The following BRAF variants were observed in gnomAD, a reference collection of about 807,000 sequenced individuals.
BRAF encodes B-Raf proto-oncogene, serine/threonine kinase.
In BRAF, 16 loss-of-function variants were observed where a neutral mutation model predicts 104.6. The observed-to-expected ratio is 0.15, with a 90% CI of 0.10 to 0.23. The LOEUF is 0.23. Ranked by LOEUF, BRAF falls within the 10% of genes least tolerant of loss-of-function variation. The pLI, the probability that BRAF is intolerant of heterozygous loss-of-function variation, is 1.00. For synonymous variants in BRAF, 310 were observed against 341.6 expected (o/e 0.91, Z 1.02); for missense variants, 541 against 937.3 (o/e 0.58, Z 5.52).
At position 140,725,130 on chromosome 7, in the gene BRAF, G is replaced by C; in HGVS notation, c.*1364C>G. ...AAGACCAGGCTTGGGAAAAAAGGAAGAAGGAGAATGAATGGAGACGCCACC... is the reference window on the plus strand; with the variant it reads ...AAGACCAGGCTTGGGAAAAAAGGAACAAGGAGAATGAATGGAGACGCCACC... On this transcript the variant is annotated 3_prime_UTR_variant, in exon 20 of 20. Transcript: ENST00000644969. 9.6e-7 allele frequency: 1 copy of C among 1,041,746 alleles called. No individual in the cohort carries two copies. Among genetic ancestry groups the C allele is most frequent in the Non-Finnish European group, 1.2e-6 (1 of 864,390 alleles). The allele number at this position is 1,041,746 out of a possible 1,614,324, so 64.5% of individuals were successfully genotyped here.
intron 16 of BRAF, among the ~76,000 whole-genome samples, chr7:140,751,905 A>T (rs2128996913): frequency 6.6e-6 from 1 of 152,330 alleles, no homozygotes; most frequent in Non-Finnish European, 1.5e-5. Flanking sequence ...TTTAAAGCTT[A>T]GAATTGCACT....
Position 140,724,951 on chromosome 7 carries a change from G to A in BRAF, c.*1543C>T, listed in dbSNP as rs1041319303. ...TATAACTAGGTTATATTTTCCATTT[G>A]TGCAAAGATAAGATTTAGGTTCTTA... On this transcript the variant is annotated 3_prime_UTR_variant, in exon 20 of 20. Transcript: ENST00000644969. The A allele has an allele frequency of 4.8e-6, 5 of 1,042,070 alleles. No individual in the cohort carries two copies. Among genetic ancestry groups the A allele is most frequent in the Non-Finnish European group, 5.8e-6 (5 of 864,734 alleles). 64.6% of individuals were successfully genotyped at this position (1,042,070 alleles called of 1,614,324 possible).
chr7:140,729,055 G>A (rs1312207779), intron 19 of BRAF, among the ~76,000 whole-genome samples: 2 of 133,980 alleles, frequency 1.5e-5, no homozygotes, highest in Non-Finnish European at 3.1e-5. Context: ...GTGAGACGCT[G>A]TCTCTCCAAA....
intron 14 of BRAF, among the ~76,000 whole-genome samples, chr7:140,755,504 T>C (rs568542471): frequency 1.3e-5 from 2 of 152,326 alleles, no homozygotes; most frequent in South Asian, 2.1e-4. Flanking sequence ...ATTTTCTAGA[T>C]AAAATTTTCA....
intron 13 of BRAF, 96 bp from the exon 13 acceptor site, chr7:140,777,184 C>A: frequency 1.1e-5 from 14 of 1,254,830 alleles, no homozygotes; most frequent in African/African-American, 3.1e-5. Flanking sequence ...AAAATGTTGT[C>A]AGAAAAAGCT....
intron 1 of BRAF, among the ~76,000 whole-genome samples, chr7:140,863,800 G>A (rs760964725): frequency 6.6e-6 from 1 of 152,184 alleles, no homozygotes; most frequent in Non-Finnish European, 1.5e-5. Flanking sequence ...TGCCATGACT[G>A]TAAGTTTCCT....
chr7:140,899,983 T>C (rs1030250436), intron 1 of BRAF, among the ~76,000 whole-genome samples: 1 of 152,246 alleles, frequency 6.6e-6, no homozygotes, highest in African/African-American at 2.4e-5. Flanking sequence ...TGAGGCCTGC[T>C]ACATCCACAT....
intron 1 of BRAF, among the ~76,000 whole-genome samples, chr7:140,855,181 T>G (rs2129078041): frequency 6.6e-6 from 1 of 152,092 alleles, no homozygotes; most frequent in African/African-American, 2.4e-5. Flanking sequence ...AAAATAGAGA[T>G]ATATTAAAAA....
intron 14 of BRAF, among the ~76,000 whole-genome samples, chr7:140,764,299 A>G (rs1172611524): frequency 3.3e-5 from 5 of 151,514 alleles, no homozygotes; most frequent in African/African-American, 1.2e-4. Flanking sequence ...GACGTATCTC[A>G]AAATATTAAG....
chr7:140,772,961 C>G (rs1799992821), intron 14 of BRAF, among the ~76,000 whole-genome samples: 1 of 152,108 alleles, frequency 6.6e-6, no homozygotes, highest in African/African-American at 2.4e-5. Flanking sequence ...TTGCAAAGGA[C>G]ATAATTTCCA....
chr7:140,752,943 A>G (rs1797903945), intron 16 of BRAF, among the ~76,000 whole-genome samples: 1 of 152,174 alleles, frequency 6.6e-6, no homozygotes. Flanking sequence ...AACACTGTTT[A>G]TAAGACATAT....
intron 3 of BRAF, among the ~76,000 whole-genome samples, chr7:140,812,301 C>T (rs770478956): frequency 2.6e-5 from 4 of 151,934 alleles, no homozygotes; most frequent in Non-Finnish European, 5.9e-5. Context: ...GAAGCCCACG[C>T]TGAGTTCACT....
Position 140,857,764 on chromosome 7 carries a change from G to A in BRAF, c.139-7552C>T, listed in dbSNP as rs184517194. On this transcript the variant is annotated intron_variant, in intron 1 of 19. Coordinates refer to ENST00000644969, the MANE Select transcript of BRAF (RefSeq NM_001374258.1). ...GATATCAGAACAACATCAGAGGCCA[G>A]CTTGAAGGGACTCCTACTGACCAAA... Among the ~76,000 whole-genome samples the A allele has an allele frequency of 8.1e-4, 123 of 152,192 alleles. 1 individual carries two copies. Among genetic ancestry groups the A allele is most frequent in the Middle Eastern group, 3.4e-3 (1 of 294 alleles).
chr7:140,828,054 C>T (rs1372738212), intron 3 of BRAF, among the ~76,000 whole-genome samples: 1 of 152,036 alleles, frequency 6.6e-6, no homozygotes, highest in Non-Finnish European at 1.5e-5. Context: ...CGGCACCACA[C>T]CCGGCCAATT....
At chr7:140,793,474 T>C (rs1802183112) in intron 8 of BRAF, among the ~76,000 whole-genome samples, 1 of 151,992 alleles carries the variant, frequency 6.6e-6, no homozygotes, top group Admixed American at 6.6e-5. Flanking sequence ...ATTTGCAAAT[T>C]TACCTAAAAT....
chr7:140,909,050 C>G (rs1393953419), intron 1 of BRAF, among the ~76,000 whole-genome samples: 2 of 150,802 alleles, frequency 1.3e-5, no homozygotes. Context: ...ATCTGAATAA[C>G]CCAGTCTTCC....
intron 17 of BRAF, 122 bp downstream of exon 16, chr7:140,749,165 C>A: frequency 7.3e-7 from 1 of 1,360,758 alleles, no homozygotes; most frequent in Non-Finnish European, 1.0e-6. Flanking sequence ...ATTTCTAAAA[C>A]TGGTAACAAA....
At chr7:140,876,738 CTAG>C (rs1812304658) in intron 1 of BRAF, among the ~76,000 whole-genome samples, 1 of 152,050 alleles carries the variant, frequency 6.6e-6, no homozygotes, top group Non-Finnish European at 1.5e-5. Flanking sequence ...AGTAATAGAA[CTAG>C]TAGACAGAAA....
intron 3 of BRAF, among the ~76,000 whole-genome samples, chr7:140,820,757 T>C (rs200058925): frequency 1.3e-5 from 2 of 151,936 alleles, no homozygotes; most frequent in African/African-American, 2.4e-5. Flanking sequence ...CTGGGCAACA[T>C]AGCAAGGCCC....
Sources: gnomAD v4.1 joint callset for allele counts (sites outside exome capture counted in the v4.1 genomes callset) on GRCh38, gnomAD v4.1.1 for gene constraint, MANE v1.5 for transcripts, NCBI Gene and HGNC (gene_info 2026-07-23, HGNC 2026-07-21) for gene names.